GSK3B: variants seen among roughly 807,000 people sequenced by gnomAD.
GSK3B encodes the protein glycogen synthase kinase-3 beta.
In GSK3B, 15 loss-of-function variants were observed where a neutral mutation model predicts 56.4. The ratio of observed to expected loss-of-function variants is 0.27; its 90% CI spans 0.18 to 0.41. GSK3B has a LOEUF of 0.41. Ranked by LOEUF, GSK3B falls within the 10% of genes least tolerant of loss-of-function variation. GSK3B has a pLI of 1.00. For synonymous variants in GSK3B, 181 were observed against 188.9 expected, an observed-to-expected ratio of 0.96 and a Z score of 0.34; for missense variants, 300 against 513.4, an observed-to-expected ratio of 0.58 and a Z score of 4.02.
intron 3 of GSK3B, among the ~76,000 whole-genome samples, chr3:119,933,207 C>G (rs918625870): frequency 6.6e-6 from 1 of 152,136 alleles, no homozygotes; most frequent in African/African-American, 2.4e-5. Flanking sequence ...ATAAAGATAG[C>G]AATAAGCCAC....
At chr3:119,876,583 ATTCACTG>A in intron 7 of GSK3B, 75 bp from the exon 8 acceptor site, 1 of 810,660 alleles carries the variant, frequency 1.2e-6, no homozygotes, top group Admixed American at 2.1e-5. Context: ...CAGGCATTGG[ATTCACTG>A]AAAAAAGGAA....
At chr3:120,029,018 T>C (rs1020525407) in intron 1 of GSK3B, 10 of 642,744 alleles carry the variant, frequency 1.6e-5, no homozygotes, top group African/African-American at 1.3e-4. Flanking sequence ...TTGTATCCTA[T>C]AGGGACTCTC....
intron 2 of GSK3B, among the ~76,000 whole-genome samples, chr3:119,974,449 G>C (rs578206835): frequency 6.6e-6 from 1 of 151,870 alleles, no homozygotes; most frequent in South Asian, 2.1e-4. Flanking sequence ...AGAAGCCCCA[G>C]GACTCTGAGA....
At chr3:120,076,534 G>A (rs537694889) in intron 1 of GSK3B, among the ~76,000 whole-genome samples, 83 of 152,150 alleles carry the variant, frequency 5.5e-4, no homozygotes, top group Non-Finnish European at 5.7e-4. Flanking sequence ...AAAAATGGGC[G>A]GCTGGGCGCG....
At chr3:119,922,271 A>AAGGAAGGG (rs1559837909) in intron 4 of GSK3B, among the ~76,000 whole-genome samples, 30 of 146,078 alleles carry the variant, frequency 2.1e-4, no homozygotes, top group South Asian at 1.8e-3. Flanking sequence ...GGAAGGAAGG[A>AAGGAAGGG]AGGAAGGGAG....
At chr3:120,002,662 A>C (rs1385682560) in intron 1 of GSK3B, among the ~76,000 whole-genome samples, 1 of 152,214 alleles carries the variant, frequency 6.6e-6, no homozygotes, top group Non-Finnish European at 1.5e-5. Context: ...TCTTTACTAC[A>C]AATTATTTTT....
chr3:119,980,851 T>A (rs1015759765), intron 2 of GSK3B, among the ~76,000 whole-genome samples: 7 of 152,164 alleles, frequency 4.6e-5, no homozygotes, highest in Non-Finnish European at 1.0e-4. Flanking sequence ...GGAAAAAGAA[T>A]CTTATATGGT....
At chr3:120,087,311 T>C (rs1210255392) in intron 1 of GSK3B, among the ~76,000 whole-genome samples, 5 of 152,138 alleles carry the variant, frequency 3.3e-5, no homozygotes, top group Admixed American at 3.3e-4. Context: ...GGTGGGAAGA[T>C]CACAAGGTCA....
At chr3:120,052,231 A>G (rs2058156587) in intron 1 of GSK3B, among the ~76,000 whole-genome samples, 1 of 152,226 alleles carries the variant, frequency 6.6e-6, no homozygotes, top group African/African-American at 2.4e-5. Context: ...AATTTATTTG[A>G]CAGAAGGAAG....
rs1317474412 is a variant in GSK3B, at chr3:119,822,544, A to G, written c.*4244T>C. ...GCAGAGGTGCAAAACGGAGCAACAA[A>G]CTTGAATAAAACGGCATAACCCTTG... On this transcript the variant is annotated 3_prime_UTR_variant, in exon 11 of 11. Transcript: ENST00000264235. 3.1e-5 allele frequency: 7 copies of G among 228,294 alleles called. No individual in the cohort carries two copies. Among genetic ancestry groups the G allele is most frequent in the African/African-American group, 1.6e-4 (7 of 45,056 alleles). The allele number at this position is 228,294 out of a possible 1,614,324, so 14.1% of individuals were successfully genotyped here.
At chr3:119,972,975 AT>A (rs2057381149) in intron 2 of GSK3B, among the ~76,000 whole-genome samples, 1 of 152,176 alleles carries the variant, frequency 6.6e-6, no homozygotes, top group South Asian at 2.1e-4. Context: ...CTGTGGTATA[AT>A]TTAGAAAAAG....
At chr3:119,924,204 A>C (rs1176579121) in intron 3 of GSK3B, among the ~76,000 whole-genome samples, 1 of 152,262 alleles carries the variant, frequency 6.6e-6, no homozygotes, top group Non-Finnish European at 1.5e-5. Flanking sequence ...GTGGAGAAAA[A>C]GAAAGGCATT....
intron 1 of GSK3B, among the ~76,000 whole-genome samples, chr3:120,083,116 T>C (rs899095496): frequency 2.0e-5 from 3 of 152,192 alleles, no homozygotes; most frequent in Non-Finnish European, 2.9e-5. Context: ...AAAAAGTATA[T>C]AGCTTCTTAA....
chr3:119,900,379 A>T (rs2056613380), intron 7 of GSK3B, among the ~76,000 whole-genome samples: 1 of 152,130 alleles, frequency 6.6e-6, no homozygotes, highest in Non-Finnish European at 1.5e-5. Context: ...CTATCTCTGT[A>T]GGAATTTTAA....
At chr3:119,961,306 C>G (rs1036879451) in intron 2 of GSK3B, among the ~76,000 whole-genome samples, 4 of 152,144 alleles carry the variant, frequency 2.6e-5, no homozygotes, top group Non-Finnish European at 5.9e-5. Flanking sequence ...GCACTAATCT[C>G]TTCCTCATTG....
chr3:120,043,539 G>A (rs966276632), intron 1 of GSK3B, among the ~76,000 whole-genome samples: 1 of 152,152 alleles, frequency 6.6e-6, no homozygotes, highest in Non-Finnish European at 1.5e-5. Flanking sequence ...CCTGCATCTT[G>A]CTCATGGCAG....
chr3:119,976,644 ACT>A (rs1340927403), intron 2 of GSK3B, among the ~76,000 whole-genome samples: 1 of 152,000 alleles, frequency 6.6e-6, no homozygotes, highest in Non-Finnish European at 1.5e-5. Flanking sequence ...TAGTTGCCTA[ACT>A]CTGTGACTAT....
At chr3:120,056,359 G>T (rs1218782940) in intron 1 of GSK3B, among the ~76,000 whole-genome samples, 8 of 152,096 alleles carry the variant, frequency 5.3e-5, no homozygotes, top group Admixed American at 5.2e-4. Flanking sequence ...TGTTTTTTGA[G>T]ACACAGTCTC....
At chr3:120,021,271 C>T (rs1269312827) in intron 1 of GSK3B, among the ~76,000 whole-genome samples, 1 of 150,614 alleles carries the variant, frequency 6.6e-6, no homozygotes, top group Non-Finnish European at 1.5e-5. Context: ...TTTGGGAGGC[C>T]GAGGCAGGTG....
Sources: gnomAD v4.1 joint callset for allele counts (sites outside exome capture counted in the v4.1 genomes callset) on GRCh38, gnomAD v4.1.1 for gene constraint, MANE v1.5 for transcripts, NCBI Gene and HGNC (gene_info 2026-07-23, HGNC 2026-07-21) for gene names.